MYH3: variants seen among roughly 807,000 people sequenced by gnomAD.
The protein encoded by MYH3 is myosin heavy chain 3, also known as myosin-3.
Under a neutral mutation model 238.0 loss-of-function variants are expected in MYH3, and 130 were observed. The ratio of observed to expected loss-of-function variants is 0.55; its 90% CI spans 0.47 to 0.63. The LOEUF (loss-of-function observed/expected upper bound fraction) is 0.63, where lower values mean the gene tolerates loss of function less well. Ranked by LOEUF, MYH3 falls within the 30% of genes least tolerant of loss-of-function variation. The probability of loss-of-function intolerance (pLI) is 0.00; values close to 1 mark genes in which losing one functional copy is unlikely to be tolerated. For missense variants in MYH3, 1,853 were observed against 2,374.9 expected, an observed-to-expected ratio of 0.78 and a Z score of 4.57; for synonymous variants, 880 against 924.1, an observed-to-expected ratio of 0.95 and a Z score of 0.86.
intron 4 of MYH3, chr17:10,652,176 G>A (rs373026785): frequency 1.7e-4 from 99 of 575,756 alleles, no homozygotes; most frequent in African/African-American, 1.2e-3. Context: ...ACAGCACCCC[G>A]TGACCAAGCC....
the MYH3 span, chr17:10,673,809 G>A: frequency 6.6e-6 from 1 of 152,216 alleles, no homozygotes; most frequent in Non-Finnish European, 1.5e-5. Context: ...ACTCGATGGA[G>A]AAACGCTTGG....
chr17:10,649,343 T>A (rs1175839488), intron 7 of MYH3, among the ~76,000 whole-genome samples: 1 of 152,226 alleles, frequency 6.6e-6, no homozygotes, highest in Middle Eastern at 3.2e-3. Context: ...CAGATTGACC[T>A]CTGAAGTTTA....
At chr17:10,629,364 CT>C (rs1339241879) in intron 40 of MYH3, among the ~76,000 whole-genome samples, 1 of 152,082 alleles carries the variant, frequency 6.6e-6, no homozygotes, top group Non-Finnish European at 1.5e-5. Context: ...TGATATCATT[CT>C]TTTTTATGGC....
At chr17:10,648,438 T>G in intron 8 of MYH3, 119 bp downstream of exon 8, 1 of 851,196 alleles carries the variant, frequency 1.2e-6, no homozygotes, top group Non-Finnish European at 2.0e-6. Context: ...AATGGTCTTG[T>G]TGGGTTGTTT....
the MYH3 span, chr17:10,674,238 G>T: frequency 0.024 from 3,938 of 161,006 alleles, 163 homozygotes; most frequent in East Asian, 0.16. Flanking sequence ...AACATGGCGA[G>T]ATCCTGTTTC....
chr17:10,675,959 T>C, the MYH3 span: 3 of 152,174 alleles, frequency 2.0e-5, no homozygotes, highest in Non-Finnish European at 4.4e-5. Context: ...CATAGCTCCT[T>C]GAAATCAAAG....
chr17:10,662,357 G>GTT, the MYH3 span, among the ~76,000 whole-genome samples: 1 of 152,100 alleles, frequency 6.6e-6, no homozygotes, highest in Non-Finnish European at 1.5e-5. Flanking sequence ...CAAGCATTTA[G>GTT]GTAAGTACAA....
chr17:10,648,240 C>G (rs543185610), intron 8 of MYH3, among the ~76,000 whole-genome samples: 3 of 152,208 alleles, frequency 2.0e-5, no homozygotes, highest in African/African-American at 7.2e-5. Context: ...ACTGCCCTGG[C>G]CCTTCCTTCG....
Position 10,638,214 on chromosome 17 carries a change from G to A in MYH3, c.3558C>T (p.His1186=), listed in dbSNP as rs199527777. ...RRDLEEATLQ[H]EAMVAALRKK... is the part of the protein sequence containing the mutation. ...TCCTCAGCGCGGCCACCATGGCTTC[G>A]TGCTGCAGTGTGGCCTCCTCCAGGT... The change falls in exon 27 of 41, where the codon CAC becomes CAT. Residue 1186 remains histidine (H), a synonymous_variant. Coordinates refer to ENST00000583535, the MANE Select transcript of MYH3 (RefSeq NM_002470.4). 7.1e-5 allele frequency: 115 copies of A among 1,613,782 alleles called. No individual in the cohort carries two copies. The highest frequency in any genetic ancestry group is 1.6e-4 in the Middle Eastern group (1 of 6,062).
At chr17:10,646,544 T>A (rs916464710) in intron 10 of MYH3, among the ~76,000 whole-genome samples, 2 of 152,136 alleles carry the variant, frequency 1.3e-5, no homozygotes, top group Non-Finnish European at 2.9e-5. Flanking sequence ...TGGGCTTGAT[T>A]ATTCTGTTTG....
At chr17:10,652,148 T>C in intron 4 of MYH3, 1 of 514,568 alleles carries the variant, frequency 1.9e-6, no homozygotes, top group East Asian at 3.8e-5. Flanking sequence ...GTGGCGACCC[T>C]CCCACAGTTG....
chr17:10,657,611 C>T (rs935276485), upstream of MYH3, among the ~76,000 whole-genome samples: 3 of 152,198 alleles, frequency 2.0e-5, no homozygotes, highest in Non-Finnish European at 2.9e-5. Context: ...CAGCCACCTC[C>T]GTTCTCAGGC....
chr17:10,632,597 G>A lies in MYH3; in HGVS notation c.4835C>T (p.Ala1612Val). 1 of 1,614,140 alleles carries A rather than the reference G, an allele frequency of 6.2e-7. No individual in the cohort carries two copies. Among genetic ancestry groups the A allele is most frequent in the Middle Eastern group, 1.6e-4 (1 of 6,062 alleles). ...LDAEVRSRNE[A>V]IRLKKKMEGD... is the part of the protein sequence containing the mutation. Reference sequence around the variant, plus strand: ...CTCCATCTTCTTCTTGAGCCGGATGGCTTCATTCCTGCTCCGCACCTCGGC... The same window carrying A: ...CTCCATCTTCTTCTTGAGCCGGATGACTTCATTCCTGCTCCGCACCTCGGC... The change falls in exon 34 of 41, where the codon GCC (alanine) becomes GTC (valine). Residue 1612 changes from alanine to valine, a missense_variant. Around this residue, in one of 3 missense-constraint regions of MYH3, gnomAD observed 1,044 missense variants for 1,192.6 expected, o/e 0.88. Coordinates refer to ENST00000583535, the MANE Select transcript of MYH3 (RefSeq NM_002470.4).
chr17:10,648,670 A>G (rs550852737), intron 7 of MYH3, 21 bp from the exon 8 acceptor site: 136 of 1,571,236 alleles, frequency 8.7e-5, no homozygotes, highest in Middle Eastern at 5.1e-4. Context: ...AAATTGAGGG[A>G]AGAAGAGGAA....
the MYH3 span, among the ~76,000 whole-genome samples, chr17:10,664,331 C>T: frequency 6.6e-6 from 1 of 152,004 alleles, no homozygotes; most frequent in Admixed American, 6.6e-5. Context: ...AACCAAGGCA[C>T]GAGACAGGTA....
intron 2 of MYH3, among the ~76,000 whole-genome samples, chr17:10,655,337 A>G (rs2074417399): frequency 6.6e-6 from 1 of 152,144 alleles, no homozygotes; most frequent in Non-Finnish European, 1.5e-5. Context: ...CAAGCATCTG[A>G]GGCTTGAACT....
At chr17:10,656,481 G>A (rs551267224) in intron 1 of MYH3, among the ~76,000 whole-genome samples, 1 of 150,578 alleles carries the variant, frequency 6.6e-6, no homozygotes, top group African/African-American at 2.5e-5. Flanking sequence ...AGGTTGCAGT[G>A]AGCCGAGATT....
chr17:10,639,102 G>C lies in MYH3; in HGVS notation c.3190C>G (p.Gln1064Glu), dbSNP rs2074244842. The C allele has an allele frequency of 4.3e-6, 7 of 1,614,176 alleles. No homozygotes were observed. Among genetic ancestry groups the C allele is most frequent in the Non-Finnish European group, 5.9e-6 (7 of 1,180,024 alleles). ...TTCTCCAGATCTAATATGGACTCTT[G>C]AGCAAGCTTCAAGTCTCCTTCCAAT... Reference protein sequence around the residue: ...RKLEGDLKLAQESILDLENDK... With the variant: ...RKLEGDLKLAEESILDLENDK... Residue 1064 changes from glutamine to glutamate, a missense_variant, in exon 25 of 41, where the codon CAA becomes GAA. Gln to Glu is a conservative substitution (Grantham distance 29). Transcript: ENST00000583535.
At chr17:10,644,303 T>A in intron 14 of MYH3, 48 bp downstream of exon 14, 1 of 1,590,636 alleles carries the variant, frequency 6.3e-7, no homozygotes. Context: ...TGAAACCAAT[T>A]TCCCTCATAT....
Sources: allele counts gnomAD v4.1 joint callset (sites outside exome capture counted in the v4.1 genomes callset), GRCh38; gene constraint gnomAD v4.1.1; regional missense constraint gnomAD v4.1.1; transcripts MANE v1.5; gene names NCBI Gene and HGNC (gene_info 2026-07-23, HGNC 2026-07-21).